Variants in CACNG7 observed in about 807,000 individuals in gnomAD.
CACNG7 encodes the protein calcium voltage-gated channel auxiliary subunit gamma 7, also known as voltage-dependent calcium channel gamma-7 subunit.
A neutral mutation model predicts 26.3 loss-of-function variants in CACNG7; 9 were observed. That is an observed-to-expected ratio of 0.34 (90% confidence interval 0.21 to 0.60). The LOEUF (loss-of-function observed/expected upper bound fraction) is 0.60. Among genes scored for constraint, CACNG7 ranks in the 20% least tolerant of loss-of-function variants. CACNG7 has a pLI of 0.81. For missense variants in CACNG7, 297 were observed against 380.4 expected (o/e 0.78, Z 1.82); for synonymous variants, 170 against 157.0 (o/e 1.08, Z -0.62).
At chr19:53,913,178 G>A in intron 2 of CACNG7, 151 bp downstream of exon 2, 1 of 693,944 alleles carries the variant, frequency 1.4e-6, no homozygotes, top group Non-Finnish European at 2.4e-6. Context: ...GAGCCCCAGT[G>A]ACTAGCCCTT....
chr19:53,932,890 C>A (rs2069082457), intron 4 of CACNG7, among the ~76,000 whole-genome samples: 1 of 150,586 alleles, frequency 6.6e-6, no homozygotes, highest in Non-Finnish European at 1.5e-5. Flanking sequence ...GCACTGCAAC[C>A]TCCGCCTCCC....
At chr19:53,931,066 T>C (rs1008927976) in intron 4 of CACNG7, among the ~76,000 whole-genome samples, 13 of 152,004 alleles carry the variant, frequency 8.6e-5, no homozygotes, top group African/African-American at 2.9e-4. Context: ...GCATGGGGCA[T>C]GCACCTGCAG....
At chr19:53,925,669 A>T (rs1194507668) in intron 4 of CACNG7, among the ~76,000 whole-genome samples, 1 of 152,200 alleles carries the variant, frequency 6.6e-6, no homozygotes, top group East Asian at 1.9e-4. Context: ...GGAAGGGCTC[A>T]GGCAGGAGGA....
chr19:53,924,293 G>C (rs2069001206), intron 4 of CACNG7, among the ~76,000 whole-genome samples: 1 of 147,798 alleles, frequency 6.8e-6, no homozygotes, highest in South Asian at 2.2e-4. Context: ...CCCAGGTCTG[G>C]TCATTGGTGG....
At chr19:53,937,827 G>A (rs879582348) in intron 4 of CACNG7, among the ~76,000 whole-genome samples, 3 of 152,160 alleles carry the variant, frequency 2.0e-5, no homozygotes, top group Non-Finnish European at 4.4e-5. Flanking sequence ...CTGGTCTCAA[G>A]TGATCCTTTC....
In CACNG7 at chr19:53,929,160, G is replaced by A. The variant is rs143586554; in HGVS notation, c.425-12310G>A. 2.0e-4 allele frequency among the ~76,000 whole-genome samples: 30 copies of A among 151,284 alleles called. 1 individual carries two copies. The East Asian group carries it at 5.8e-3, about 29-fold the overall frequency. Reference sequence around the variant, plus strand: ...AAAAGAGAGAATAAGGCCTGAGCTGGGGCAAGGGACTTGGGGAAGCAAAAA... The same window carrying A: ...AAAAGAGAGAATAAGGCCTGAGCTGAGGCAAGGGACTTGGGGAAGCAAAAA... On this transcript the variant is annotated intron_variant, in intron 4 of 5. Coordinates refer to ENST00000391767, the MANE Select transcript of CACNG7 (RefSeq NM_031896.5).
chr19:53,923,546 T>C (rs1243133658), intron 4 of CACNG7, among the ~76,000 whole-genome samples: 51 of 127,410 alleles, frequency 4.0e-4, no homozygotes, highest in South Asian at 8.6e-4. Flanking sequence ...ATTGGTGGAG[T>C]TGTCCCAGGT....
intron 5 of CACNG7, among the ~76,000 whole-genome samples, 193 bp from the exon 6 acceptor site, chr19:53,941,843 G>A (rs2069139423): frequency 6.6e-6 from 1 of 152,048 alleles, no homozygotes; most frequent in South Asian, 2.1e-4. Flanking sequence ...CCTGGGTCTT[G>A]AGGGAGGGGC....
At chr19:53,928,906 C>T (rs1005605078) in intron 4 of CACNG7, among the ~76,000 whole-genome samples, 2 of 151,730 alleles carry the variant, frequency 1.3e-5, no homozygotes, top group Non-Finnish European at 2.9e-5. Context: ...GTCAGGGGTT[C>T]GAGACCAGCC....
In CACNG7 at chr19:53,912,300, T is replaced by C. The variant is rs1159527571; in HGVS notation, c.-29-503T>C. On this transcript the variant is annotated intron_variant, in intron 1 of 5. Transcript: ENST00000391767. The surrounding 1 kb of genome is among the most constrained non-coding windows in gnomAD (Gnocchi z 4.6). ...GAGCTGAAATCATTGATCTGCCTAA[T>C]AGTTTCTGAGTCACTGATCCACACT... Among the ~76,000 whole-genome samples the C allele has an allele frequency of 6.6e-6, 1 of 152,020 alleles. No homozygotes were observed. The highest frequency in any genetic ancestry group is 1.5e-5 in the Non-Finnish European group (1 of 68,002).
Position 53,942,632 on chromosome 19 carries a change from G to A in CACNG7, c.*339G>A. 8.8e-7 allele frequency: 1 copy of A among 1,135,198 alleles called. No homozygotes were observed. 70.3% of individuals were successfully genotyped at this position (1,135,198 alleles called of 1,614,324 possible). ...CTGCTCTGAGCTGGGAGCAGCCAGA[G>A]GCGGTGCAAGCGCCCAGCTCCCCAG... is the stretch of plus-strand genomic sequence containing the variant. On this transcript the variant is annotated 3_prime_UTR_variant, in exon 6 of 6. Coordinates refer to ENST00000391767, the MANE Select transcript of CACNG7 (RefSeq NM_031896.5). The surrounding 1 kb of genome is among the most constrained non-coding windows in gnomAD (Gnocchi z 5.9).
intron 1 of CACNG7, among the ~76,000 whole-genome samples, chr19:53,911,238 G>A (rs1568768350): frequency 6.6e-6 from 1 of 151,960 alleles, no homozygotes; most frequent in African/African-American, 2.4e-5. Context: ...GCTAATTTTT[G>A]TATTTTTAGC....
At chr19:53,920,320 G>C (rs1371936588) in intron 4 of CACNG7, among the ~76,000 whole-genome samples, 3 of 113,292 alleles carry the variant, frequency 2.6e-5, no homozygotes, top group Admixed American at 8.0e-5. Flanking sequence ...CATTGGTGGA[G>C]TTGCCCCAGG....
chr19:53,942,564 G>A lies in CACNG7; in HGVS notation c.*271G>A. ...TTCGTTGGCCCGCCCCTTTCCTCTG[G>A]CCCCTCCTCTCCAAGAAAATTAGCT... On this transcript the variant is annotated 3_prime_UTR_variant, in exon 6 of 6. Coordinates refer to ENST00000391767, the MANE Select transcript of CACNG7 (RefSeq NM_031896.5). This position sits in a 1 kb window ranked among gnomAD's most constrained non-coding sequence, Gnocchi z 5.9. The A allele has an allele frequency of 7.4e-7, 1 of 1,351,332 alleles. No individual in the cohort carries two copies. The highest frequency in any genetic ancestry group is 9.5e-7 in the Non-Finnish European group (1 of 1,053,888). The allele number at this position is 1,351,332 out of a possible 1,614,324, so 83.7% of individuals were successfully genotyped here.
intron 4 of CACNG7, among the ~76,000 whole-genome samples, chr19:53,925,536 GCTGGTCATTGGTGGACTTGCCCCAGGT>G (rs1555811178): frequency 3.8e-5 from 2 of 52,700 alleles, no homozygotes; most frequent in Non-Finnish European, 6.3e-5. Context: ...GTTGTCCCAG[GCTGGTCATTGGTGGACTTGCCCCAGGT>G]CTGGTCATTG....
At chr19:53,928,236 G>A (rs992523324) in intron 4 of CACNG7, among the ~76,000 whole-genome samples, 1 of 151,946 alleles carries the variant, frequency 6.6e-6, no homozygotes, top group Admixed American at 6.6e-5. Flanking sequence ...TCAGACCCTG[G>A]TCCTGATTCT....
rs2069146573 is a variant in CACNG7, at chr19:53,942,646, C to CCAG, written c.*355_*357dup. 1.9e-6 allele frequency: 2 copies of CCAG among 1,045,248 alleles called. No individual in the cohort carries two copies. The highest frequency in any genetic ancestry group is 2.4e-6 in the Non-Finnish European group (2 of 840,630). The allele number at this position is 1,045,248 out of a possible 1,614,324, so 64.7% of individuals were successfully genotyped here. A position where few individuals can be genotyped will look rare whatever the true frequency, so the allele number is the denominator to read the frequency against. On this transcript the variant is annotated 3_prime_UTR_variant, in exon 6 of 6. Transcript: ENST00000391767. The surrounding 1 kb of genome is among the most constrained non-coding windows in gnomAD (Gnocchi z 5.9). ...GAGCAGCCAGAGGCGGTGCAAGCGC[C>CCAG]CAGCTCCCCAGAGCTCCCCAACCTC...
chr19:53,930,356 G>T (rs2069063552), intron 4 of CACNG7, among the ~76,000 whole-genome samples: 1 of 151,524 alleles, frequency 6.6e-6, no homozygotes, highest in African/African-American at 2.4e-5. Context: ...CTACAGGCGG[G>T]CACCACTACG....
In CACNG7 at chr19:53,912,758, C is replaced by G; in HGVS notation, c.-29-45C>G. On this transcript the variant is annotated intron_variant, in intron 1 of 5. Transcript: ENST00000391767. This position sits in a 1 kb window ranked among gnomAD's most constrained non-coding sequence, Gnocchi z 4.6. ...GGGTTGCTGCATGGGGTCAAGCACT[C>G]TGGTCGGTCCCATGGAGCTCTGCAC... 1 of 1,503,408 alleles carries G rather than the reference C, an allele frequency of 6.7e-7. No homozygotes were observed. The highest frequency in any genetic ancestry group is 9.1e-7 in the Non-Finnish European group (1 of 1,095,916). 93.1% of individuals were successfully genotyped at this position (1,503,408 alleles called of 1,614,324 possible).
Sources: allele counts gnomAD v4.1 joint callset (sites outside exome capture counted in the v4.1 genomes callset), GRCh38; gene constraint gnomAD v4.1.1; non-coding constraint Gnocchi (gnomAD v3.1); transcripts MANE v1.5; gene names NCBI Gene and HGNC (gene_info 2026-07-23, HGNC 2026-07-21).